The following LRP1B variants were observed in gnomAD, a reference collection of about 807,000 sequenced individuals.
The protein encoded by LRP1B is low-density lipoprotein receptor-related protein 1B.
Under a neutral mutation model 556.6 loss-of-function variants are expected in LRP1B, and 217 were observed. The observed-to-expected ratio is 0.39, with a 90% CI of 0.35 to 0.44. The LOEUF (loss-of-function observed/expected upper bound fraction) is 0.44. Among genes scored for constraint, LRP1B ranks in the 20% least tolerant of loss-of-function variants. The probability of loss-of-function intolerance (pLI) is 1.00; values close to 1 mark genes in which losing one functional copy is unlikely to be tolerated. For synonymous variants in LRP1B, 2,047 were observed against 1,865.8 expected, an observed-to-expected ratio of 1.10 and a Z score of -2.50; for missense variants, 5,053 against 5,620.8, an observed-to-expected ratio of 0.90 and a Z score of 3.23.
chr2:142,031,056 CT>C (rs1574613263), intron 1 of LRP1B, among the ~76,000 whole-genome samples: 2 of 151,818 alleles, frequency 1.3e-5, no homozygotes, highest in East Asian at 3.9e-4. Flanking sequence ...TATTTTTACT[CT>C]GAATTATATA....
At chr2:140,390,298 AT>A (rs1358957358) in intron 66 of LRP1B, among the ~76,000 whole-genome samples, 1 of 152,226 alleles carries the variant, frequency 6.6e-6, no homozygotes, top group Non-Finnish European at 1.5e-5. Context: ...GAATTAAAAA[AT>A]AAGTAATGTA....
chr2:141,013,480 A>C lies in LRP1B; in HGVS notation c.2380+76T>G, dbSNP rs1697813611. On this transcript the variant is annotated intron_variant, in intron 14 of 90. Coordinates refer to ENST00000389484, the MANE Select transcript of LRP1B (RefSeq NM_018557.3). Reference sequence around the variant, plus strand: ...TCATAAAACTTTAGCAACACTGTCAAGATAAATCTTTTATAACTTCTGTGA... The same window carrying C: ...TCATAAAACTTTAGCAACACTGTCACGATAAATCTTTTATAACTTCTGTGA... The C allele has an allele frequency of 2.5e-6, 3 of 1,198,320 alleles. No individual in the cohort carries two copies. The East Asian group carries it at 7.8e-5, about 31-fold the overall frequency. The allele number at this position is 1,198,320 out of a possible 1,614,324, so 74.2% of individuals were successfully genotyped here.
chr2:140,443,281 G>C (rs143081660), intron 65 of LRP1B, among the ~76,000 whole-genome samples: 2 of 152,030 alleles, frequency 1.3e-5, no homozygotes, highest in African/African-American at 2.4e-5. Context: ...GGCTCATCTC[G>C]AACTCCTGAC....
At position 142,017,831 on chromosome 2, in the gene LRP1B, A is replaced by T. The variant is rs577063512; in HGVS notation, c.82+112817T>A. On this transcript the variant is annotated intron_variant, in intron 1 of 90. Coordinates refer to ENST00000389484, the MANE Select transcript of LRP1B (RefSeq NM_018557.3). ...CAGAAGGTCAAGGGCACAGTGAGCC[A>T]TGTTCTCCTACTGCACTCCAGCCTG... is the stretch of plus-strand genomic sequence containing the variant. 2.0e-5 allele frequency among the ~76,000 whole-genome samples: 3 copies of T among 152,170 alleles called. No individual in the cohort carries two copies. The East Asian group carries it at 5.8e-4, about 29-fold the overall frequency.
In LRP1B at chr2:140,270,127, A is replaced by G; in HGVS notation, c.13247+115T>C. ...GATGAGGGACAATACTTGATCAGAG[A>G]TGTCCATGAAACACTCATTTAAAAT... On this transcript the variant is annotated intron_variant, in intron 86 of 90. Coordinates refer to ENST00000389484, the MANE Select transcript of LRP1B (RefSeq NM_018557.3). 5 of 697,328 alleles carry G rather than the reference A, an allele frequency of 7.2e-6. No individual in the cohort carries two copies. In the South Asian group the frequency reaches 8.4e-5, roughly 12 times the overall value. The allele number at this position is 697,328 out of a possible 1,614,324, so 43.2% of individuals were successfully genotyped here.
At chr2:141,958,073 G>C (rs929977805) in intron 1 of LRP1B, among the ~76,000 whole-genome samples, 4 of 152,032 alleles carry the variant, frequency 2.6e-5, no homozygotes, top group African/African-American at 9.7e-5. Context: ...CAGGATTACT[G>C]CTCCTTCAGA....
chr2:141,244,445 T>A (rs1288370996), intron 5 of LRP1B, among the ~76,000 whole-genome samples: 1 of 149,444 alleles, frequency 6.7e-6, no homozygotes, highest in East Asian at 2.0e-4. Context: ...TCCAGTAGGG[T>A]AGAATTGTAA....
intron 41 of LRP1B, among the ~76,000 whole-genome samples, chr2:140,639,079 T>C (rs1286335230): frequency 6.6e-6 from 1 of 152,166 alleles, no homozygotes; most frequent in Non-Finnish European, 1.5e-5. Flanking sequence ...AAGCGATATA[T>C]TCTTGAGAGG....
At chr2:141,297,289 T>C (rs1686218364) in intron 3 of LRP1B, among the ~76,000 whole-genome samples, 1 of 152,158 alleles carries the variant, frequency 6.6e-6, no homozygotes, top group African/African-American at 2.4e-5. Context: ...TGGCTATTAC[T>C]AAAAAGTCAA....
chr2:141,623,557 C>T (rs573426885), intron 2 of LRP1B, among the ~76,000 whole-genome samples: 84 of 152,216 alleles, frequency 5.5e-4, no homozygotes, highest in African/African-American at 1.7e-3. Context: ...GTCTTATATA[C>T]ACCCACTGAA....
chr2:141,637,087 G>T (rs547311217), intron 2 of LRP1B, among the ~76,000 whole-genome samples: 25 of 152,044 alleles, frequency 1.6e-4, no homozygotes, highest in African/African-American at 5.8e-4. Context: ...CTTTTTTTAA[G>T]GCAAGCATGT....
intron 61 of LRP1B, 91 bp from the exon 62 acceptor site, chr2:140,456,694 TA>T: frequency 1.8e-6 from 2 of 1,119,694 alleles, no homozygotes; most frequent in Non-Finnish European, 2.5e-6. Flanking sequence ...TTAAGCTGCA[TA>T]ACTTGAATTA....
intron 18 of LRP1B, among the ~76,000 whole-genome samples, chr2:140,953,341 A>C (rs1695775033): frequency 6.6e-6 from 1 of 152,132 alleles, no homozygotes; most frequent in Admixed American, 6.5e-5. Flanking sequence ...CACATGCCTC[A>C]GTCTCTCAAA....
chr2:141,855,288 G>A (rs962590476), intron 1 of LRP1B, among the ~76,000 whole-genome samples: 2 of 152,104 alleles, frequency 1.3e-5, no homozygotes, highest in African/African-American at 4.8e-5. Context: ...ACTGCCTAAA[G>A]AAGGGTGAAT....
intron 77 of LRP1B, among the ~76,000 whole-genome samples, chr2:140,349,948 T>G (rs1681882117): frequency 6.6e-6 from 1 of 152,158 alleles, no homozygotes; most frequent in African/African-American, 2.4e-5. Flanking sequence ...AATGGATTTA[T>G]GTAGTTCAAG....
At chr2:141,088,140 T>C (rs936333152) in intron 7 of LRP1B, among the ~76,000 whole-genome samples, 1 of 152,186 alleles carries the variant, frequency 6.6e-6, no homozygotes, top group Non-Finnish European at 1.5e-5. Context: ...GGTAGCAGTG[T>C]TTGAATTTTG....
At chr2:140,904,207 C>T (rs1694183417) in intron 22 of LRP1B, among the ~76,000 whole-genome samples, 1 of 152,028 alleles carries the variant, frequency 6.6e-6, no homozygotes, top group South Asian at 2.1e-4. Context: ...GAATTGTCTA[C>T]TTGAGAAAAT....
chr2:142,126,454 G>C (rs879567169), intron 1 of LRP1B, among the ~76,000 whole-genome samples: 2 of 151,708 alleles, frequency 1.3e-5, no homozygotes, highest in Non-Finnish European at 3.0e-5. Flanking sequence ...TTAAAAACGG[G>C]GTTGGGGGCA....
intron 2 of LRP1B, among the ~76,000 whole-genome samples, chr2:141,643,617 A>G (rs1397461022): frequency 6.6e-6 from 1 of 152,154 alleles, no homozygotes; most frequent in African/African-American, 2.4e-5. Flanking sequence ...CTAATGGGGA[A>G]AGAGGAGTTT....
Sources: allele counts gnomAD v4.1 joint callset (sites outside exome capture counted in the v4.1 genomes callset), GRCh38; gene constraint gnomAD v4.1.1; transcripts MANE v1.5; gene names NCBI Gene and HGNC (gene_info 2026-07-23, HGNC 2026-07-21).